TRRAP: variants seen among roughly 807,000 people sequenced by gnomAD.
TRRAP encodes transformation/transcription domain-associated protein.
Under a neutral mutation model 438.8 loss-of-function variants are expected in TRRAP, and 41 were observed. The ratio of observed to expected loss-of-function variants is 0.09; its 90% CI spans 0.07 to 0.12. The LOEUF is 0.12. TRRAP is among the 10% of genes least tolerant of loss of function. The probability of loss-of-function intolerance (pLI) is 1.00; values close to 1 mark genes in which losing one functional copy is unlikely to be tolerated. For missense variants in TRRAP, 3,122 were observed against 5,055.1 expected, an observed-to-expected ratio of 0.62 and a Z score of 11.60; for synonymous variants, 1,994 against 1,962.9, an observed-to-expected ratio of 1.02 and a Z score of -0.42.
At position 98,959,325 on chromosome 7, in the gene TRRAP, A is replaced by G; in HGVS notation, c.6343-19A>G. 2 of 1,611,998 alleles carry G rather than the reference A, an allele frequency of 1.2e-6. No homozygotes were observed. Among genetic ancestry groups the G allele is most frequent in the Non-Finnish European group, 1.7e-6 (2 of 1,179,076 alleles). On this transcript the variant is annotated intron_variant, in intron 44 of 72. Transcript: ENST00000456197. ...TCGGATGCAGTGAAATGCCGGCTGT[A>G]ACTCGGATGAATTCCTAGGTTAATG...
rs112199817 is a variant in TRRAP at position 98,971,719 on chromosome 7, A to G, written c.7693-80A>G. 18 of 1,510,150 alleles carry G rather than the reference A, an allele frequency of 1.2e-5. No individual in the cohort carries two copies. In the African/African-American group the frequency reaches 2.5e-4, roughly 21 times the overall value. The allele number at this position is 1,510,150 out of a possible 1,614,324, so 93.5% of individuals were successfully genotyped here. A position where few individuals can be genotyped will look rare whatever the true frequency, so the allele number is the denominator to read the frequency against. On this transcript the variant is annotated intron_variant, in intron 52 of 72. Transcript: ENST00000456197. Reference sequence around the variant, plus strand: ...CACGAATTTTACCAAAATTGTAACAAGAAGCCTACAGGAGGTGTGTTTGTT... The same window carrying G: ...CACGAATTTTACCAAAATTGTAACAGGAAGCCTACAGGAGGTGTGTTTGTT...
rs1035704046 is a variant in TRRAP, at chr7:98,962,231, C to G, written c.6704-71C>G. The G allele has an allele frequency of 3.2e-5, 51 of 1,604,638 alleles. No individual in the cohort carries two copies. The African/African-American group carries it at 6.6e-4, about 21-fold the overall frequency. On this transcript the variant is annotated intron_variant, in intron 46 of 72. Coordinates refer to ENST00000456197, the MANE Select transcript of TRRAP (RefSeq NM_001375524.1). ...TCCTGATACCCAAGCAGCCAGCACT[C>G]AGTCCCTGGCATCAGCACTGGTGGG...
In TRRAP at chr7:98,978,347, G is replaced by C. The variant is rs371418904; in HGVS notation, c.8498+24G>C. 9.0e-5 allele frequency: 142 copies of C among 1,583,292 alleles called. 1 individual carries two copies. In the African/African-American group the frequency reaches 1.8e-3, roughly 20 times the overall value. ...CGGTAAGCCAAACACAGTGCTTGACGTGTGCATGAATCAGTTAAGGGAACC... is the reference window on the plus strand; with the variant it reads ...CGGTAAGCCAAACACAGTGCTTGACCTGTGCATGAATCAGTTAAGGGAACC... On this transcript the variant is annotated intron_variant, in intron 57 of 72. Coordinates refer to ENST00000456197, the MANE Select transcript of TRRAP (RefSeq NM_001375524.1).
chr7:98,904,685 T>C (rs1222974264), intron 12 of TRRAP, among the ~76,000 whole-genome samples: 1 of 152,076 alleles, frequency 6.6e-6, no homozygotes. Flanking sequence ...CAGCTTTTAG[T>C]CTTCCCTTTT....
In TRRAP at chr7:99,011,166, A is replaced by C. The variant is rs147715960; in HGVS notation, c.11053A>C (p.Met3685Leu). The C allele has an allele frequency of 1.2e-6, 2 of 1,614,142 alleles. No individual in the cohort carries two copies. The highest frequency in any genetic ancestry group is 1.7e-6 in the Non-Finnish European group (2 of 1,180,026). The change falls in exon 71 of 73, where the codon ATG becomes CTG. Residue 3685 changes from methionine to leucine, a missense_variant. Physicochemically the swap from Met to Leu is conservative, Grantham distance 15 (BLOSUM62 2). Around this residue, in one of 24 missense-constraint regions of TRRAP, gnomAD observed 192 missense variants for 355.6 expected, o/e 0.54. Coordinates refer to ENST00000456197, the MANE Select transcript of TRRAP (RefSeq NM_001375524.1). The surrounding 1 kb of genome is among the most constrained non-coding windows in gnomAD (Gnocchi z 7.1). ...NATDYWTFRKMFTIQLALIGF... is the reference protein window; with the variant it reads ...NATDYWTFRKLFTIQLALIGF... ...CACGGACTACTGGACGTTCCGGAAG[A>C]TGTTCACCATCCAGCTGGCTCTGAT...
At position 99,012,455 on chromosome 7, in the gene TRRAP, G is replaced by T. The variant is rs1236198563; in HGVS notation, c.*100G>T. 1 of 1,368,854 alleles carries T rather than the reference G, an allele frequency of 7.3e-7. No individual in the cohort carries two copies. The highest frequency in any genetic ancestry group is 9.7e-7 in the Non-Finnish European group (1 of 1,026,216). The allele number at this position is 1,368,854 out of a possible 1,614,324, so 84.8% of individuals were successfully genotyped here. The stretch of plus-strand genomic sequence containing the variant: ...TGCCTCGTTCCTTATATTCACAGAA[G>T]CCCCATAGTTTCACTGGGTTGCGGT... On this transcript the variant is annotated 3_prime_UTR_variant, in exon 73 of 73. Coordinates refer to ENST00000456197, the MANE Select transcript of TRRAP (RefSeq NM_001375524.1). This position sits in a 1 kb window ranked among gnomAD's most constrained non-coding sequence, Gnocchi z 5.9.
At chr7:98,999,381 TC>T in intron 67 of TRRAP, 1 of 1,351,060 alleles carries the variant, frequency 7.4e-7, no homozygotes, top group Non-Finnish European at 1.1e-6. Context: ...AGCTCTCTCA[TC>T]CACAATTTCC....
intron 63 of TRRAP, among the ~76,000 whole-genome samples, chr7:98,990,092 G>A (rs955372997): frequency 2.0e-5 from 3 of 152,150 alleles, no homozygotes; most frequent in African/African-American, 7.2e-5. Flanking sequence ...GCCAGGCGTG[G>A]TGGTGTGTGC....
At position 98,910,298 on chromosome 7, in the gene TRRAP, A is replaced by T. The variant is rs376638407; in HGVS notation, c.1593A>T (p.Gly531=). 153 of 1,606,740 alleles carry T rather than the reference A, an allele frequency of 9.5e-5. No homozygotes were observed. The highest frequency in any genetic ancestry group is 1.2e-4 in the Non-Finnish European group (146 of 1,179,526). ...CCGTGCCTCCCTTCGAGAAGCAAGG[A>T]GAAAAGGACAAGGAAGACAAGCAGA... ...PAPVPPFEKQ[G]EKDKEDKQTF... Residue 531 remains glycine (G), a synonymous_variant, in exon 15 of 73, where the codon GGA becomes GGT. Transcript: ENST00000456197.
chr7:98,950,140 T>C lies in TRRAP; in HGVS notation c.5212T>C (p.Phe1738Leu). ...TGGTCGTTTTCTCTGCAACATGACA[T>C]TCTTAAAAGAGTATATGGAGGAAGA... Reference protein sequence around the residue: ...FTGRFLCNMTFLKEYMEEEIP... With the variant: ...FTGRFLCNMTLLKEYMEEEIP... The change falls in exon 38 of 73, where the codon TTC (phenylalanine) becomes CTC (leucine). Residue 1738 changes from phenylalanine (F) to leucine (L), a missense_variant. By Grantham distance (22) the Phe-to-Leu change is conservative. Transcript: ENST00000456197. The C allele has an allele frequency of 2.5e-6, 4 of 1,614,224 alleles. No individual in the cohort carries two copies. Among genetic ancestry groups the C allele is most frequent in the Non-Finnish European group, 3.4e-6 (4 of 1,180,026 alleles).
chr7:99,002,295 A>G (rs1479095124), intron 67 of TRRAP, among the ~76,000 whole-genome samples: 2 of 152,234 alleles, frequency 1.3e-5, no homozygotes, highest in Non-Finnish European at 2.9e-5. Context: ...ACGTGCACAC[A>G]TAACTGGTGA....
chr7:98,932,394 T>C (rs915489125), intron 26 of TRRAP, among the ~76,000 whole-genome samples: 1 of 152,258 alleles, frequency 6.6e-6, no homozygotes, highest in Non-Finnish European at 1.5e-5. Context: ...ATTACAGGCA[T>C]GAGCCACTGC....
chr7:98,982,525 C>T (rs896993586), intron 59 of TRRAP, among the ~76,000 whole-genome samples: 2 of 152,188 alleles, frequency 1.3e-5, no homozygotes, highest in Non-Finnish European at 2.9e-5. Context: ...AACAAATTTA[C>T]ATTTGGAGGG....
chr7:98,984,901 A>G (rs776950161), intron 61 of TRRAP, 43 bp from the exon 62 acceptor site: 6 of 1,322,844 alleles, frequency 4.5e-6, no homozygotes, highest in South Asian at 1.2e-5. Flanking sequence ...CATATTGTTT[A>G]GAAATTTCAA....
chr7:98,948,400 T>C lies in TRRAP; in HGVS notation c.4668+60T>C. The C allele has an allele frequency of 6.2e-7, 1 of 1,611,770 alleles. No individual in the cohort carries two copies. Among genetic ancestry groups the C allele is most frequent in the Admixed American group, 1.7e-5 (1 of 59,980 alleles). ...CCACCCTCCGGTGCTTATAGCGTCC[T>C]CACTTGATCGTATTTTCAATGGACG... On this transcript the variant is annotated intron_variant, in intron 34 of 72. Transcript: ENST00000456197. The surrounding 1 kb of genome is among the most constrained non-coding windows in gnomAD (Gnocchi z 4.9).
At chr7:99,009,905 TA>T (rs1324635047) in intron 70 of TRRAP, among the ~76,000 whole-genome samples, 2 of 129,322 alleles carry the variant, frequency 1.5e-5, no homozygotes, top group Non-Finnish European at 1.5e-5. Context: ...TTTTTTTTTT[TA>T]GATAGAGTTT....
chr7:98,906,990 T>C (rs1474525477), intron 13 of TRRAP, among the ~76,000 whole-genome samples: 2 of 151,708 alleles, frequency 1.3e-5, no homozygotes, highest in Non-Finnish European at 2.9e-5. Flanking sequence ...TCTTAATGTA[T>C]GTCCGTATAA....
intron 67 of TRRAP, among the ~76,000 whole-genome samples, chr7:98,997,675 G>C (rs1159714185): frequency 6.6e-6 from 1 of 151,986 alleles, no homozygotes; most frequent in Non-Finnish European, 1.5e-5. Flanking sequence ...GTCCAGCAGA[G>C]GAAATAAAAT....
chr7:98,955,388 T>A (rs1584356682), intron 41 of TRRAP, 84 bp downstream of exon 41: 2 of 1,394,906 alleles, frequency 1.4e-6, no homozygotes, highest in East Asian at 5.0e-5. Context: ...TCTGCAATAA[T>A]CAGGTGGTCG....
Sources: gnomAD v4.1 joint callset for allele counts (sites outside exome capture counted in the v4.1 genomes callset) on GRCh38, gnomAD v4.1.1 for gene constraint, gnomAD v4.1.1 regional missense constraint, Gnocchi (gnomAD v3.1) non-coding constraint, MANE v1.5 for transcripts, NCBI Gene and HGNC (gene_info 2026-07-23, HGNC 2026-07-21) for gene names.